PDE11A: variants seen among roughly 807,000 people sequenced by gnomAD.
The protein encoded by PDE11A is phosphodiesterase 11A.
In PDE11A, 100 loss-of-function variants were observed where a neutral mutation model predicts 100.5. That is an observed-to-expected ratio of 1.00 (90% CI 0.85 to 1.18). The LOEUF (loss-of-function observed/expected upper bound fraction) is 1.18. PDE11A is among the 50% of genes most tolerant of loss of function. PDE11A has a pLI of 0.00. For synonymous variants in PDE11A, 381 were observed against 420.8 expected, an observed-to-expected ratio of 0.91 and a Z score of 1.16; for missense variants, 1,141 against 1,152.6, an observed-to-expected ratio of 0.99 and a Z score of 0.15.
Position 177,720,427 on chromosome 2 carries a change from C to G in PDE11A, c.2043+7231G>C, listed in dbSNP as rs748140626. 3.0e-4 allele frequency among the ~76,000 whole-genome samples: 45 copies of G among 152,188 alleles called. 1 individual carries two copies. The highest frequency in any genetic ancestry group is 6.2e-4 in the South Asian group (3 of 4,818). On this transcript the variant is annotated intron_variant, in intron 12 of 19. Coordinates refer to ENST00000286063, the MANE Select transcript of PDE11A (RefSeq NM_016953.4). ...AGAACAGGTATGCAACCACAAACTT[C>G]AATGGAGGGGAAAAAATCCCTACTG... is the stretch of plus-strand genomic sequence containing the variant.
intron 15 of PDE11A, among the ~76,000 whole-genome samples, chr2:177,695,596 C>T (rs890510897): frequency 3.9e-5 from 6 of 152,160 alleles, no homozygotes; most frequent in African/African-American, 1.4e-4. Flanking sequence ...TTAACTTAAT[C>T]TCTTCTTCTG....
At chr2:177,845,074 G>A (rs1234706970) in intron 5 of PDE11A, among the ~76,000 whole-genome samples, 2 of 151,520 alleles carry the variant, frequency 1.3e-5, no homozygotes, top group African/African-American at 2.4e-5. Flanking sequence ...AGACGGGGTG[G>A]TGGCCGGGCA....
rs948625754 is a variant in PDE11A, at chr2:177,707,670, G to A, written c.2153+4099C>T. On this transcript the variant is annotated intron_variant, in intron 13 of 19. Coordinates refer to ENST00000286063, the MANE Select transcript of PDE11A (RefSeq NM_016953.4). ...GCATGAGCCTGCAGCTTGGATCCCTGCAGCTAACTGTCTTAATATCACGGT... is the reference window on the plus strand; with the variant it reads ...GCATGAGCCTGCAGCTTGGATCCCTACAGCTAACTGTCTTAATATCACGGT... Among the ~76,000 whole-genome samples, 10 of 152,084 alleles carry A rather than the reference G, an allele frequency of 6.6e-5. No homozygotes were observed. The East Asian group carries it at 1.9e-3, about 29-fold the overall frequency.
At chr2:178,021,338 T>A (rs774357942) in intron 1 of PDE11A, among the ~76,000 whole-genome samples, 2 of 152,170 alleles carry the variant, frequency 1.3e-5, no homozygotes, top group Non-Finnish European at 2.9e-5. Flanking sequence ...ACACTACTTA[T>A]AAGATAATTC....
At chr2:177,996,771 T>G (rs745660436) in intron 2 of PDE11A, among the ~76,000 whole-genome samples, 1 of 152,170 alleles carries the variant, frequency 6.6e-6, no homozygotes, top group Non-Finnish European at 1.5e-5. Context: ...ACAGTTACCC[T>G]TCTCCATATA....
chr2:177,734,666 AAAGT>A (rs201172714), intron 10 of PDE11A, among the ~76,000 whole-genome samples: 1,608 of 152,310 alleles, frequency 0.011, 32 homozygotes, highest in African/African-American at 0.036. Flanking sequence ...GCAAGAAACT[AAAGT>A]AAGCCTCAGA....
rs1322027799 is a variant in PDE11A at position 177,911,456 on chromosome 2, T to A, written c.1072-6269A>T. Among the ~76,000 whole-genome samples, 4 of 152,200 alleles carry A rather than the reference T, an allele frequency of 2.6e-5. No individual in the cohort carries two copies. The East Asian group carries it at 7.7e-4, about 29-fold the overall frequency. ...GGAGCTTTTATTTTAAGAATCAGAATCATAAATGACTTTTGTTAGTTCATA... is the reference window on the plus strand; with the variant it reads ...GGAGCTTTTATTTTAAGAATCAGAAACATAAATGACTTTTGTTAGTTCATA... On this transcript the variant is annotated intron_variant, in intron 2 of 19. Transcript: ENST00000286063.
intron 1 of PDE11A, among the ~76,000 whole-genome samples, chr2:178,051,809 C>A (rs1002011600): frequency 6.6e-6 from 1 of 152,146 alleles, no homozygotes; most frequent in Non-Finnish European, 1.5e-5. Flanking sequence ...ACAAGAAGAG[C>A]TAACTATCCT....
Position 177,623,888 on chromosome 2 carries a change from A to G in PDE11A, c.*5519T>C, listed in dbSNP as rs2079797088. 1 of 152,244 alleles carries G rather than the reference A, an allele frequency of 6.6e-6. No individual in the cohort carries two copies. Among genetic ancestry groups the G allele is most frequent in the Non-Finnish European group, 1.5e-5 (1 of 68,032 alleles). The allele number at this position is 152,244 out of a possible 1,614,324, so 9.4% of individuals were successfully genotyped here. ...TAAATTTAAAAAAGTACAACCCCAA[A>G]TTACTAGCTGAAGACAAGGTCATGA... On this transcript the variant is annotated 3_prime_UTR_variant, in exon 20 of 20. Transcript: ENST00000286063.
At chr2:177,663,527 G>GA (rs1423300316) in intron 19 of PDE11A, among the ~76,000 whole-genome samples, 1 of 151,656 alleles carries the variant, frequency 6.6e-6, no homozygotes, top group African/African-American at 2.4e-5. Context: ...AGCTTTTTTT[G>GA]AACAGATAGC....
At chr2:178,056,914 A>C (rs2086905682) in intron 1 of PDE11A, among the ~76,000 whole-genome samples, 1 of 152,032 alleles carries the variant, frequency 6.6e-6, no homozygotes, top group South Asian at 2.1e-4. Flanking sequence ...AGGAGGGAGA[A>C]GGGGAAAAAT....
chr2:177,638,238 A>T (rs2080081237), intron 19 of PDE11A, among the ~76,000 whole-genome samples: 3 of 151,994 alleles, frequency 2.0e-5, no homozygotes, highest in African/African-American at 7.2e-5. Flanking sequence ...TGACCTTGTG[A>T]TCCACCTGCC....
upstream of PDE11A, among the ~76,000 whole-genome samples, chr2:178,073,885 A>G (rs1333668317): frequency 6.6e-6 from 1 of 152,030 alleles, no homozygotes; most frequent in Non-Finnish European, 1.5e-5. Flanking sequence ...ACACCATGGA[A>G]ATCAGCAAAT....
Position 177,669,550 on chromosome 2 carries a change from G to A in PDE11A, c.2505C>T (p.Thr835=), listed in dbSNP as rs150703542. 16 of 1,462,218 alleles carry A rather than the reference G, an allele frequency of 1.1e-5. 1 individual carries two copies. The highest frequency in any genetic ancestry group is 1.5e-5 in the Non-Finnish European group (16 of 1,041,806). 90.6% of individuals were successfully genotyped at this position (1,462,218 alleles called of 1,614,324 possible). A position where few individuals can be genotyped will look rare whatever the true frequency, so the allele number is the denominator to read the frequency against. Residue 835 remains threonine (T), a synonymous_variant, in exon 18 of 20, where the codon ACC becomes ACT. Coordinates refer to ENST00000286063, the MANE Select transcript of PDE11A (RefSeq NM_016953.4). The part of the protein sequence containing the change: ...EISRQVAELV[T]SEFFEQGDRE... ...GATCTCCTTGTTCGAAGAACTCACTGGTTACAAGTTCTGCCACCTGAAACA... is the reference window on the plus strand; with the variant it reads ...GATCTCCTTGTTCGAAGAACTCACTAGTTACAAGTTCTGCCACCTGAAACA...
intron 5 of PDE11A, among the ~76,000 whole-genome samples, chr2:177,844,687 C>T (rs2083552104): frequency 6.6e-6 from 1 of 151,378 alleles, no homozygotes; most frequent in Admixed American, 6.6e-5. Flanking sequence ...ACCCTGCGGC[C>T]TTCCGCAGTA....
chr2:177,714,744 C>A (rs1156927423), intron 12 of PDE11A, among the ~76,000 whole-genome samples: 1 of 152,178 alleles, frequency 6.6e-6, no homozygotes, highest in African/African-American at 2.4e-5. Context: ...TTCTTGTTTC[C>A]TGGAGTTAGG....
chr2:177,788,464 T>A (rs974209189), intron 9 of PDE11A, among the ~76,000 whole-genome samples: 1 of 151,064 alleles, frequency 6.6e-6, no homozygotes, highest in Non-Finnish European at 1.5e-5. Context: ...CACCCTAACA[T>A]CACAATTAAA....
intron 1 of PDE11A, among the ~76,000 whole-genome samples, chr2:178,035,379 A>G (rs2086599556): frequency 6.6e-6 from 1 of 152,224 alleles, no homozygotes; most frequent in Non-Finnish European, 1.5e-5. Flanking sequence ...TTAAGGCAGT[A>G]ATTAAGAGCC....
intron 10 of PDE11A, among the ~76,000 whole-genome samples, chr2:177,749,928 G>C (rs1420406435): frequency 6.6e-6 from 1 of 152,186 alleles, no homozygotes; most frequent in East Asian, 1.9e-4. Context: ...AAGGGAAGAT[G>C]CAGGCTCAAA....
Sources: allele counts gnomAD v4.1 joint callset (sites outside exome capture counted in the v4.1 genomes callset), GRCh38; gene constraint gnomAD v4.1.1; transcripts MANE v1.5; gene names NCBI Gene and HGNC (gene_info 2026-07-23, HGNC 2026-07-21).